FBXW11: variants seen among roughly 807,000 people sequenced by gnomAD.
FBXW11 encodes F-box and WD repeat domain containing 11, also known as F-box/WD repeat-containing protein 11.
Under a neutral mutation model 77.6 loss-of-function variants are expected in FBXW11, and 19 were observed. That is an observed-to-expected ratio of 0.24 (90% CI 0.17 to 0.36). The LOEUF (loss-of-function observed/expected upper bound fraction) is 0.36, where lower values mean the gene tolerates loss of function less well. FBXW11 is among the 10% of genes least tolerant of loss of function. The pLI is 1.00. For synonymous variants in FBXW11, 235 were observed against 249.4 expected (o/e 0.94, Z 0.54); for missense variants, 334 against 704.2 (o/e 0.47, Z 5.95).
At chr5:171,950,812 G>A (rs889926802) in intron 2 of FBXW11, among the ~76,000 whole-genome samples, 1 of 152,074 alleles carries the variant, frequency 6.6e-6, no homozygotes, top group Admixed American at 6.6e-5. Flanking sequence ...ACTTGAACCT[G>A]GGAGGCAGAG....
At position 172,006,600 on chromosome 5, in the gene FBXW11, C is replaced by CG; in HGVS notation, c.-99dup. Reference sequence around the variant, plus strand: ...AGGCGGCAGAGGCGGAGGCGGCTATCGCACCCACTCTAGCTGCCAGCCCGC... The same window carrying CG: ...AGGCGGCAGAGGCGGAGGCGGCTATCGGCACCCACTCTAGCTGCCAGCCCGC... On this transcript the variant is annotated 5_prime_UTR_variant, in exon 1 of 14. Coordinates refer to ENST00000517395, the MANE Select transcript of FBXW11 (RefSeq NM_001378974.1). 1 of 1,367,690 alleles carries CG rather than the reference C, an allele frequency of 7.3e-7. No individual in the cohort carries two copies. The highest frequency in any genetic ancestry group is 1.5e-5 in the African/African-American group (1 of 65,764). The allele number at this position is 1,367,690 out of a possible 1,614,324, so 84.7% of individuals were successfully genotyped here. A position where few individuals can be genotyped will look rare whatever the true frequency, so the allele number is the denominator to read the frequency against.
chr5:171,956,934 T>G (rs1763644136), intron 2 of FBXW11, among the ~76,000 whole-genome samples: 1 of 152,200 alleles, frequency 6.6e-6, no homozygotes, highest in Admixed American at 6.5e-5. Flanking sequence ...GCACTCCTGC[T>G]AACAGTTCTA....
chr5:171,949,587 A>C (rs1763196958), intron 2 of FBXW11, among the ~76,000 whole-genome samples: 1 of 152,218 alleles, frequency 6.6e-6, no homozygotes, highest in African/African-American at 2.4e-5. Context: ...TATTTGCAAT[A>C]AATAACAGTT....
intron 1 of FBXW11, among the ~76,000 whole-genome samples, chr5:171,962,179 G>T (rs528851656): frequency 6.6e-6 from 1 of 152,042 alleles, no homozygotes; most frequent in East Asian, 1.9e-4. Flanking sequence ...GATACCATGG[G>T]TATTTACCAA....
chr5:171,887,286 T>C (rs1158952419), intron 7 of FBXW11, among the ~76,000 whole-genome samples: 4 of 152,218 alleles, frequency 2.6e-5, no homozygotes, highest in South Asian at 2.1e-4. Flanking sequence ...GCCATACATA[T>C]AGGAAACCAA....
intron 2 of FBXW11, among the ~76,000 whole-genome samples, chr5:171,924,083 C>G (rs545278748): frequency 1.3e-5 from 2 of 151,830 alleles, no homozygotes; most frequent in African/African-American, 4.8e-5. Flanking sequence ...CGCCACGACA[C>G]CCAACTATTT....
intron 2 of FBXW11, among the ~76,000 whole-genome samples, chr5:171,939,315 C>T (rs1448551970): frequency 2.0e-5 from 3 of 152,080 alleles, no homozygotes; most frequent in Non-Finnish European, 4.4e-5. Flanking sequence ...ATAACATAAT[C>T]ATACTTAATG....
rs778327855 is a variant in FBXW11, at chr5:171,998,336, C to CTTTTTTTTTTTTTTTTT, written c.45+8105_45+8121dup. On this transcript the variant is annotated intron_variant, in intron 1 of 13. Transcript: ENST00000517395. ...ACAGCCCATGATATTTTTTTCTTGT[C>CTTTTTTTTTTTTTTTTT]TTTTTTTTTTTTTTTTTAAGTAGAG... Among the ~76,000 whole-genome samples the CTTTTTTTTTTTTTTTTT allele has an allele frequency of 6.0e-4, 69 of 114,812 alleles. 3 individuals are homozygous for CTTTTTTTTTTTTTTTTT. Among genetic ancestry groups the CTTTTTTTTTTTTTTTTT allele is most frequent in the African/African-American group, 2.1e-3 (51 of 24,018 alleles). The allele number at this position is 114,812 out of a possible 152,430, so 75.3% of individuals were successfully genotyped here.
intron 2 of FBXW11, among the ~76,000 whole-genome samples, chr5:171,950,431 T>C (rs1442514165): frequency 6.6e-6 from 1 of 151,764 alleles, no homozygotes; most frequent in Non-Finnish European, 1.5e-5. Context: ...ACACCTGTAC[T>C]CTCGCCTCCA....
intron 2 of FBXW11, among the ~76,000 whole-genome samples, chr5:171,950,747 C>T (rs554655963): frequency 3.3e-5 from 5 of 152,118 alleles, no homozygotes; most frequent in South Asian, 4.2e-4. Context: ...ATTAGCCAGG[C>T]GTGGTGGCGC....
Position 171,876,576 on chromosome 5 carries a change from A to T in FBXW11, c.972-42T>A. On this transcript the variant is annotated intron_variant, in intron 8 of 13. Transcript: ENST00000517395. The surrounding 1 kb of genome is among the most constrained non-coding windows in gnomAD (Gnocchi z 4.2). ...AAGCATGATGCTTAATTATGGAGAC[A>T]GCCAGGAAATGATTCTGGTATCTGA... 1 of 1,600,418 alleles carries T rather than the reference A, an allele frequency of 6.2e-7. No individual in the cohort carries two copies. The highest frequency in any genetic ancestry group is 8.5e-7 in the Non-Finnish European group (1 of 1,169,782).
chr5:171,939,753 T>C (rs1472150402), intron 2 of FBXW11, among the ~76,000 whole-genome samples: 1 of 151,122 alleles, frequency 6.6e-6, no homozygotes, highest in Non-Finnish European at 1.5e-5. Flanking sequence ...GAATCTTTAG[T>C]ATGGCTAGTG....
intron 4 of FBXW11, among the ~76,000 whole-genome samples, chr5:171,906,811 T>G (rs1760558145): frequency 6.6e-6 from 1 of 152,204 alleles, no homozygotes; most frequent in African/African-American, 2.4e-5. Context: ...GCTCTGGCCG[T>G]GTACCCATCC....
chr5:171,996,517 G>A (rs559894595), intron 1 of FBXW11, among the ~76,000 whole-genome samples: 53 of 152,246 alleles, frequency 3.5e-4, no homozygotes, highest in African/African-American at 1.3e-3. Flanking sequence ...AAAGAAATTA[G>A]CTGAGCATAG....
chr5:171,891,409 A>T lies in FBXW11; in HGVS notation c.852+58T>A, dbSNP rs193050767. On this transcript the variant is annotated intron_variant, in intron 7 of 13. Transcript: ENST00000517395. ...AGTAAATGGAAAGATTGTCACATCTAGTGTCTAACACATAGCCACGATTCT... is the reference window on the plus strand; with the variant it reads ...AGTAAATGGAAAGATTGTCACATCTTGTGTCTAACACATAGCCACGATTCT... The T allele has an allele frequency of 5.7e-5, 83 of 1,446,892 alleles. No individual in the cohort carries two copies. The East Asian group carries it at 1.8e-3, about 32-fold the overall frequency. The allele number at this position is 1,446,892 out of a possible 1,614,324, so 89.6% of individuals were successfully genotyped here.
Position 171,876,267 on chromosome 5 carries a change from G to A in FBXW11, c.1221+18C>T. On this transcript the variant is annotated intron_variant, in intron 9 of 13. Transcript: ENST00000517395. The surrounding 1 kb of genome is among the most constrained non-coding windows in gnomAD (Gnocchi z 4.2). Reference sequence around the variant, plus strand: ...AAGGGACAGGAACAGGTAGGGTTATGACTGCAGACATACTTACTTTGATGG... The same window carrying A: ...AAGGGACAGGAACAGGTAGGGTTATAACTGCAGACATACTTACTTTGATGG... 2 of 1,613,734 alleles carry A rather than the reference G, an allele frequency of 1.2e-6. No individual in the cohort carries two copies. Among genetic ancestry groups the A allele is most frequent in the Non-Finnish European group, 1.7e-6 (2 of 1,179,812 alleles).
intron 13 of FBXW11, chr5:171,867,704 CT>C (rs576942259): frequency 2.6e-5 from 4 of 152,112 alleles, no homozygotes; most frequent in Non-Finnish European, 5.9e-5. Flanking sequence ...CATGGACTTT[CT>C]TATACTTTTG....
At chr5:171,964,793 T>A (rs1764098435) in intron 1 of FBXW11, among the ~76,000 whole-genome samples, 1 of 152,234 alleles carries the variant, frequency 6.6e-6, no homozygotes, top group Non-Finnish European at 1.5e-5. Flanking sequence ...TTCTATAACC[T>A]TTTATAGAAC....
chr5:171,999,317 A>G (rs1766269541), intron 1 of FBXW11, among the ~76,000 whole-genome samples: 1 of 151,650 alleles, frequency 6.6e-6, no homozygotes, highest in African/African-American at 2.4e-5. Flanking sequence ...TGACTAACAG[A>G]CTCATTTCTG....
Sources: allele counts gnomAD v4.1 joint callset (sites outside exome capture counted in the v4.1 genomes callset), GRCh38; gene constraint gnomAD v4.1.1; non-coding constraint Gnocchi (gnomAD v3.1); transcripts MANE v1.5; gene names NCBI Gene and HGNC (gene_info 2026-07-23, HGNC 2026-07-21).